Variants in SMYD3 observed in about 807,000 individuals in gnomAD.
SMYD3 encodes the protein SET and MYND domain containing 3, also known as histone-lysine N-methyltransferase SMYD3.
In SMYD3, 36 loss-of-function variants were observed where a neutral mutation model predicts 57.7. The ratio of observed to expected loss-of-function variants is 0.62; its 90% CI spans 0.48 to 0.82. SMYD3 has a LOEUF of 0.82. SMYD3 is among the 40% of genes least tolerant of loss of function. The pLI, the probability that SMYD3 is intolerant of heterozygous loss-of-function variation, is 0.00. For missense variants in SMYD3, 515 were observed against 538.8 expected, an observed-to-expected ratio of 0.96 and a Z score of 0.44; for synonymous variants, 211 against 195.0, an observed-to-expected ratio of 1.08 and a Z score of -0.68.
chr1:246,080,824 G>A (rs565653229), intron 5 of SMYD3, among the ~76,000 whole-genome samples: 63 of 152,088 alleles, frequency 4.1e-4, no homozygotes, highest in Non-Finnish European at 6.9e-4. Context: ...TTTTATCTGT[G>A]TTGTTAACTG....
At chr1:245,799,214 C>T (rs1478196442) in intron 10 of SMYD3, among the ~76,000 whole-genome samples, 1 of 152,202 alleles carries the variant, frequency 6.6e-6, no homozygotes. Flanking sequence ...TCCTACACAG[C>T]TGTGCAAGGA....
At chr1:245,813,088 C>A (rs531920295) in intron 10 of SMYD3, among the ~76,000 whole-genome samples, 2 of 142,138 alleles carry the variant, frequency 1.4e-5, no homozygotes, top group Non-Finnish European at 3.0e-5. Flanking sequence ...GATCTCAGCT[C>A]ATTGTAACCT....
At position 245,852,894 on chromosome 1, in the gene SMYD3, C is replaced by A. The variant is rs542253542; in HGVS notation, c.1076+5602G>T. 2.5e-3 allele frequency among the ~76,000 whole-genome samples: 377 copies of A among 152,222 alleles called. 2 individuals are homozygous for A. The highest frequency in any genetic ancestry group is 4.1e-3 in the Non-Finnish European group (278 of 68,022). On this transcript the variant is annotated intron_variant, in intron 10 of 11. Coordinates refer to ENST00000490107, the MANE Select transcript of SMYD3 (RefSeq NM_001167740.2). Reference sequence around the variant, plus strand: ...AAAATGGACAGCAAACAGAAAGAGGCCCTGATTAGGCATGCCAGATAATTC... The same window carrying A: ...AAAATGGACAGCAAACAGAAAGAGGACCTGATTAGGCATGCCAGATAATTC...
intron 5 of SMYD3, among the ~76,000 whole-genome samples, chr1:246,175,091 G>A (rs7522554): frequency 6.6e-6 from 1 of 151,984 alleles, no homozygotes; most frequent in African/African-American, 2.4e-5. Context: ...AAATTATTGG[G>A]GGAAAAACTA....
At chr1:245,946,253 G>T (rs1432833863) in intron 5 of SMYD3, among the ~76,000 whole-genome samples, 2 of 152,122 alleles carry the variant, frequency 1.3e-5, no homozygotes, top group East Asian at 1.9e-4. Context: ...ATCTGAACAG[G>T]AGAGGAGAGA....
chr1:246,250,706 G>A (rs971748223), intron 5 of SMYD3, among the ~76,000 whole-genome samples: 2 of 152,026 alleles, frequency 1.3e-5, no homozygotes, highest in African/African-American at 4.8e-5. Flanking sequence ...TTACTTTGAC[G>A]TACATCTTTT....
intron 5 of SMYD3, among the ~76,000 whole-genome samples, chr1:246,086,386 T>C (rs2060721567): frequency 6.6e-6 from 1 of 152,164 alleles, no homozygotes; most frequent in Admixed American, 6.5e-5. Flanking sequence ...TATCTGTGCA[T>C]GAGTCAGTCT....
intron 5 of SMYD3, among the ~76,000 whole-genome samples, chr1:246,255,465 T>C (rs1009893165): frequency 6.6e-6 from 1 of 152,070 alleles, no homozygotes; most frequent in African/African-American, 2.4e-5. Flanking sequence ...ATACTGTTTA[T>C]GTGGTGAATC....
intron 8 of SMYD3, among the ~76,000 whole-genome samples, chr1:245,875,969 T>A (rs543724962): frequency 3.5e-4 from 53 of 152,362 alleles, no homozygotes; most frequent in African/African-American, 1.3e-3. Flanking sequence ...GAGGACTTAA[T>A]ATGAGAAAGT....
At chr1:246,067,159 A>C (rs1467090330) in intron 5 of SMYD3, among the ~76,000 whole-genome samples, 2 of 152,250 alleles carry the variant, frequency 1.3e-5, no homozygotes, top group African/African-American at 4.8e-5. Context: ...TGTCACAAAG[A>C]TCGTGATTCT....
At chr1:246,029,687 AAAAG>A (rs1232796965) in intron 5 of SMYD3, among the ~76,000 whole-genome samples, 1 of 146,450 alleles carries the variant, frequency 6.8e-6, no homozygotes, top group Non-Finnish European at 1.5e-5. Flanking sequence ...AAAAAAAAAA[AAAAG>A]AAAGAAAAAG....
At chr1:245,816,592 G>C (rs551279333) in intron 10 of SMYD3, among the ~76,000 whole-genome samples, 3 of 151,866 alleles carry the variant, frequency 2.0e-5, no homozygotes, top group African/African-American at 7.2e-5. Flanking sequence ...CTCCCAGCGT[G>C]AGTGACATAG....
At chr1:245,804,383 C>T (rs1292793290) in intron 10 of SMYD3, among the ~76,000 whole-genome samples, 1 of 152,072 alleles carries the variant, frequency 6.6e-6, no homozygotes, top group Non-Finnish European at 1.5e-5. Flanking sequence ...GAGATCCAGA[C>T]CATCCTGGCT....
chr1:246,136,140 G>C (rs568544447), intron 5 of SMYD3, among the ~76,000 whole-genome samples: 1 of 152,262 alleles, frequency 6.6e-6, no homozygotes, highest in East Asian at 1.9e-4. Flanking sequence ...TTTCAAATTA[G>C]CACCAACAGA....
At chr1:246,459,919 A>C (rs936753897) in intron 1 of SMYD3, among the ~76,000 whole-genome samples, 8 of 15,070 alleles carry the variant, frequency 5.3e-4, no homozygotes, top group African/African-American at 9.6e-4. Context: ...TCCGCCACCC[A>C]AAAAAAAAAA....
chr1:246,352,270 C>T (rs1304158019), intron 2 of SMYD3, among the ~76,000 whole-genome samples: 2 of 152,016 alleles, frequency 1.3e-5, no homozygotes, highest in Non-Finnish European at 2.9e-5. Context: ...CAACTTGATG[C>T]CATGGTCCCA....
chr1:246,148,246 C>T (rs1413966317), intron 5 of SMYD3, among the ~76,000 whole-genome samples: 1 of 152,120 alleles, frequency 6.6e-6, no homozygotes, highest in African/African-American at 2.4e-5. Context: ...GAGCAGGGCA[C>T]GTGGAGACAA....
intron 5 of SMYD3, among the ~76,000 whole-genome samples, chr1:246,206,282 G>C (rs919010028): frequency 6.6e-6 from 1 of 151,488 alleles, no homozygotes; most frequent in Admixed American, 6.6e-5. Context: ...AAGGAAGGAA[G>C]GGAAACCTAC....
In SMYD3 at chr1:246,145,665, G is replaced by A. The variant is rs139353982; in HGVS notation, c.531+181536C>T. Among the ~76,000 whole-genome samples, 5 of 152,258 alleles carry A rather than the reference G, an allele frequency of 3.3e-5. No individual in the cohort carries two copies. The East Asian group carries it at 5.8e-4, about 18-fold the overall frequency. ...AGCTGTGTAACATTCAGTAAGTAGC[G>A]TAAGCCTCTTAAATTGACTTTCCGA... is the stretch of plus-strand genomic sequence containing the variant. On this transcript the variant is annotated intron_variant, in intron 5 of 11. Transcript: ENST00000490107.
Sources: gnomAD v4.1 joint callset for allele counts (sites outside exome capture counted in the v4.1 genomes callset) on GRCh38, gnomAD v4.1.1 for gene constraint, MANE v1.5 for transcripts, NCBI Gene and HGNC (gene_info 2026-07-23, HGNC 2026-07-21) for gene names.